KCNQ5: variants seen among roughly 807,000 people sequenced by gnomAD.
KCNQ5 encodes the protein potassium voltage-gated channel subfamily Q member 5.
Under a neutral mutation model 98.2 loss-of-function variants are expected in KCNQ5, and 30 were observed. The ratio of observed to expected loss-of-function variants is 0.31; its 90% confidence interval spans 0.23 to 0.41. The LOEUF (loss-of-function observed/expected upper bound fraction) is 0.41, where lower values mean the gene tolerates loss of function less well. Among genes scored for constraint, KCNQ5 ranks in the 10% least tolerant of loss-of-function variants. The pLI is 1.00. For synonymous variants in KCNQ5, 458 were observed against 449.4 expected, an observed-to-expected ratio of 1.02 and a Z score of -0.24; for missense variants, 835 against 1,182.5, an observed-to-expected ratio of 0.71 and a Z score of 4.31.
intron 5 of KCNQ5, among the ~76,000 whole-genome samples, chr6:73,091,514 G>GAAAAAT (rs1269324232): frequency 3.3e-5 from 5 of 151,932 alleles, no homozygotes; most frequent in African/African-American, 1.2e-4. Context: ...AAAAGAAAAA[G>GAAAAAT]AAAAGGGTGT....
intron 1 of KCNQ5, among the ~76,000 whole-genome samples, chr6:72,912,808 G>A (rs1779993339): frequency 6.6e-6 from 1 of 152,148 alleles, no homozygotes; most frequent in Non-Finnish European, 1.5e-5. Flanking sequence ...TTTTTAAATA[G>A]ATGCTCAGAG....
intron 2 of KCNQ5, among the ~76,000 whole-genome samples, chr6:73,037,283 G>A (rs2150353958): frequency 6.6e-6 from 1 of 152,192 alleles, no homozygotes; most frequent in Non-Finnish European, 1.5e-5. Context: ...TGTCAGATAT[G>A]TGGTTTACAA....
chr6:73,030,345 G>A (rs568362403), intron 2 of KCNQ5, among the ~76,000 whole-genome samples: 1 of 152,220 alleles, frequency 6.6e-6, no homozygotes, highest in Non-Finnish European at 1.5e-5. Flanking sequence ...TGCCTTTCCT[G>A]TTCTTTTGCA....
At chr6:73,004,829 C>T (rs1769744486) in intron 2 of KCNQ5, among the ~76,000 whole-genome samples, 1 of 152,064 alleles carries the variant, frequency 6.6e-6, no homozygotes, top group Non-Finnish European at 1.5e-5. Flanking sequence ...TCTGTAAAGC[C>T]TAGGGGTATA....
At chr6:72,968,849 C>A (rs933987091) in intron 1 of KCNQ5, among the ~76,000 whole-genome samples, 2 of 152,172 alleles carry the variant, frequency 1.3e-5, no homozygotes, top group Admixed American at 6.6e-5. Context: ...TAATCTTGGG[C>A]AGCACCTGTT....
intron 1 of KCNQ5, among the ~76,000 whole-genome samples, chr6:72,931,527 AC>A: frequency 6.6e-6 from 1 of 152,284 alleles, no homozygotes; most frequent in Non-Finnish European, 1.5e-5. Context: ...GAGAACACAA[AC>A]AACCCTGGAA....
chr6:73,161,736 T>A (rs1777621403), intron 10 of KCNQ5, among the ~76,000 whole-genome samples: 1 of 152,114 alleles, frequency 6.6e-6, no homozygotes, highest in Non-Finnish European at 1.5e-5. Flanking sequence ...ATGGTAAAAT[T>A]TCATAGTGGA....
At chr6:73,039,072 G>T (rs1771573608) in intron 2 of KCNQ5, among the ~76,000 whole-genome samples, 1 of 152,082 alleles carries the variant, frequency 6.6e-6, no homozygotes, top group African/African-American at 2.4e-5. Flanking sequence ...AGTTTTGGTA[G>T]CTTGTAGTTT....
At chr6:72,944,370 A>G (rs867068915) in intron 1 of KCNQ5, among the ~76,000 whole-genome samples, 1 of 152,174 alleles carries the variant, frequency 6.6e-6, no homozygotes, top group Non-Finnish European at 1.5e-5. Flanking sequence ...TGTCAAACAA[A>G]TCAAGGTCAA....
chr6:73,178,220 A>G (rs1778287221), intron 11 of KCNQ5, among the ~76,000 whole-genome samples: 1 of 151,702 alleles, frequency 6.6e-6, no homozygotes, highest in Non-Finnish European at 1.5e-5. Flanking sequence ...CCTGGCAGGA[A>G]AGACTTCTTC....
chr6:72,971,698 T>A (rs1159436193), intron 1 of KCNQ5, among the ~76,000 whole-genome samples: 1 of 152,170 alleles, frequency 6.6e-6, no homozygotes, highest in East Asian at 1.9e-4. Context: ...GGGACATGGA[T>A]GAAGCTGGAA....
chr6:73,043,838 T>C (rs546130398), intron 3 of KCNQ5, among the ~76,000 whole-genome samples: 5 of 152,356 alleles, frequency 3.3e-5, no homozygotes, highest in African/African-American at 1.2e-4. Context: ...GATAGCTGTT[T>C]TCAGCTACGG....
chr6:73,023,811 A>G (rs543107708), intron 2 of KCNQ5, among the ~76,000 whole-genome samples: 1 of 152,326 alleles, frequency 6.6e-6, no homozygotes, highest in African/African-American at 2.4e-5. Flanking sequence ...TTAACATTGC[A>G]TTGAGGACTT....
intron 1 of KCNQ5, among the ~76,000 whole-genome samples, chr6:72,943,955 A>G (rs1261236503): frequency 6.6e-6 from 1 of 152,218 alleles, no homozygotes; most frequent in East Asian, 1.9e-4. Flanking sequence ...TTTTACAGAT[A>G]AAGACATTTA....
chr6:72,925,579 T>TG (rs1372361951), intron 1 of KCNQ5, among the ~76,000 whole-genome samples: 1 of 152,152 alleles, frequency 6.6e-6, no homozygotes, highest in East Asian at 1.9e-4. Context: ...TATAATACAC[T>TG]GGGGATACAA....
intron 5 of KCNQ5, among the ~76,000 whole-genome samples, chr6:73,089,263 A>G (rs1774129221): frequency 6.6e-6 from 1 of 152,226 alleles, no homozygotes; most frequent in Non-Finnish European, 1.5e-5. Context: ...CATTTCAGGT[A>G]TTGATACATT....
At chr6:72,671,541 C>A (rs559856746) in intron 1 of KCNQ5, among the ~76,000 whole-genome samples, 6 of 152,134 alleles carry the variant, frequency 3.9e-5, no homozygotes, top group Non-Finnish European at 2.9e-5. Flanking sequence ...CATTTTTATT[C>A]ATCACTTTAA....
intron 1 of KCNQ5, among the ~76,000 whole-genome samples, chr6:72,651,518 C>T (rs1010738200): frequency 1.3e-5 from 2 of 152,020 alleles, no homozygotes; most frequent in African/African-American, 4.8e-5. Context: ...TCCAAAATTT[C>T]ACATTCATGC....
intron 1 of KCNQ5, among the ~76,000 whole-genome samples, chr6:72,826,431 T>C (rs1176484337): frequency 7.3e-6 from 1 of 136,924 alleles, no homozygotes; most frequent in Non-Finnish European, 1.6e-5. Context: ...AAATAATGAA[T>C]AGAAGAAATA....
Sources: allele counts gnomAD v4.1 joint callset (sites outside exome capture counted in the v4.1 genomes callset), GRCh38; gene constraint gnomAD v4.1.1; transcripts MANE v1.5; gene names NCBI Gene and HGNC (gene_info 2026-07-23, HGNC 2026-07-21).